Variants in HERC2 observed in about 807,000 individuals in gnomAD.
HERC2 encodes HECT and RLD domain containing E3 ubiquitin protein ligase 2.
HERC2 carries 102 observed loss-of-function variants against 537.7 expected under a neutral mutation model. The observed-to-expected ratio is 0.19, with a 90% CI of 0.16 to 0.22. The LOEUF is 0.22. HERC2 is among the 10% of genes least tolerant of loss of function. HERC2 has a pLI of 1.00. For synonymous variants in HERC2, 2,224 were observed against 2,466.2 expected (o/e 0.90, Z 2.91); for missense variants, 4,236 against 6,198.2 (o/e 0.68, Z 10.63).
chr15:28,174,230 TG>T (rs959722435), intron 65 of HERC2, among the ~76,000 whole-genome samples, 164 bp downstream of exon 65: 67 of 86,218 alleles, frequency 7.8e-4, no homozygotes, highest in African/African-American at 2.0e-3. Context: ...CATTCCAGCA[TG>T]TATAAATCGC....
At chr15:28,148,441 AC>A (rs1891997610) in intron 70 of HERC2, among the ~76,000 whole-genome samples, 1 of 152,230 alleles carries the variant, frequency 6.6e-6, no homozygotes, top group African/African-American at 2.4e-5. Flanking sequence ...ATGGAGAGTT[AC>A]CAAGTGTCCC....
intron 85 of HERC2, among the ~76,000 whole-genome samples, 185 bp from the exon 86 acceptor site, chr15:28,121,614 CAG>C (rs1251629761): frequency 1.3e-5 from 2 of 152,206 alleles, no homozygotes; most frequent in Non-Finnish European, 2.9e-5. Flanking sequence ...CACACAGGGA[CAG>C]ACGGCCAGGC....
At chr15:28,306,897 T>C (rs1258634118) in intron 2 of HERC2, among the ~76,000 whole-genome samples, 2 of 152,194 alleles carry the variant, frequency 1.3e-5, no homozygotes, top group Non-Finnish European at 2.9e-5. Context: ...TGCAGTAACA[T>C]GATCTCAGCA....
chr15:28,290,098 G>T (rs537311589), intron 4 of HERC2, among the ~76,000 whole-genome samples: 2 of 152,330 alleles, frequency 1.3e-5, no homozygotes, highest in South Asian at 4.1e-4. Flanking sequence ...GATATAACTT[G>T]TATCTTTAAA....
At chr15:28,151,690 T>A (rs528201919) in intron 70 of HERC2, among the ~76,000 whole-genome samples, 1 of 151,920 alleles carries the variant, frequency 6.6e-6, no homozygotes, top group East Asian at 1.9e-4. Context: ...AGAAACAGGA[T>A]AATCTCAGCT....
At chr15:28,121,977 G>C (rs1430929780) in intron 85 of HERC2, among the ~76,000 whole-genome samples, 1 of 144,318 alleles carries the variant, frequency 6.9e-6, no homozygotes, top group African/African-American at 2.6e-5. Context: ...CTGCCATACA[G>C]CAGCCACGGG....
intron 65 of HERC2, among the ~76,000 whole-genome samples, chr15:28,171,276 T>C (rs1894670149): frequency 1.3e-5 from 2 of 152,224 alleles, no homozygotes; most frequent in Admixed American, 6.5e-5. Context: ...ATACTGAACA[T>C]ACTATGTAAT....
intron 38 of HERC2, among the ~76,000 whole-genome samples, chr15:28,217,461 T>G (rs1338098485): frequency 6.6e-6 from 1 of 152,016 alleles, no homozygotes; most frequent in African/African-American, 2.4e-5. Flanking sequence ...AGCACACCAC[T>G]AATACACGCA....
chr15:28,133,721 G>A (rs1298439608), intron 79 of HERC2, among the ~76,000 whole-genome samples: 3 of 152,104 alleles, frequency 2.0e-5, no homozygotes, highest in African/African-American at 7.2e-5. Context: ...CAGTGAACTG[G>A]CTGTGCACTC....
At chr15:28,310,560 T>A (rs2076913818) in intron 2 of HERC2, among the ~76,000 whole-genome samples, 1 of 152,198 alleles carries the variant, frequency 6.6e-6, no homozygotes, top group Non-Finnish European at 1.5e-5. Context: ...AAGGTTTGAC[T>A]CTTCTAGTCT....
chr15:28,241,056 G>T (rs926168542), intron 23 of HERC2, among the ~76,000 whole-genome samples: 1 of 152,158 alleles, frequency 6.6e-6, no homozygotes, highest in Non-Finnish European at 1.5e-5. Flanking sequence ...AGTTGGACTT[G>T]ATCAAAATCG....
chr15:28,237,388 T>C (rs1449222671), intron 25 of HERC2, among the ~76,000 whole-genome samples: 1 of 152,218 alleles, frequency 6.6e-6, no homozygotes. Context: ...GAATATTCCT[T>C]AGGAATCAGT....
intron 35 of HERC2, among the ~76,000 whole-genome samples, chr15:28,224,131 T>G (rs1326307112): frequency 7.4e-5 from 2 of 27,202 alleles, no homozygotes; most frequent in Non-Finnish European, 1.8e-4. Context: ...AATTAAAAAA[T>G]TATACACACA....
intron 78 of HERC2, among the ~76,000 whole-genome samples, chr15:28,138,790 C>T (rs1283225240): frequency 1.3e-5 from 2 of 152,198 alleles, no homozygotes; most frequent in Non-Finnish European, 2.9e-5. Flanking sequence ...GCTATAGCTG[C>T]CATAGACAGT....
intron 21 of HERC2, among the ~76,000 whole-genome samples, chr15:28,247,558 A>C (rs1050792612): frequency 3.3e-5 from 5 of 151,154 alleles, no homozygotes; most frequent in African/African-American, 1.2e-4. Context: ...CCTCCGGAGT[A>C]GCTGGGATTA....
At chr15:28,127,754 G>A (rs1889663735) in intron 83 of HERC2, among the ~76,000 whole-genome samples, 1 of 151,868 alleles carries the variant, frequency 6.6e-6, no homozygotes, top group Admixed American at 6.6e-5. Context: ...CAGACAACGG[G>A]GACACACAAA....
chr15:28,309,047 G>C (rs902981490), intron 2 of HERC2, among the ~76,000 whole-genome samples: 9 of 152,352 alleles, frequency 5.9e-5, no homozygotes, highest in Middle Eastern at 3.4e-3. Flanking sequence ...ATCAAGGTTT[G>C]AATTTTTAAT....
At chr15:28,227,348 C>A (rs1901302747) in intron 35 of HERC2, among the ~76,000 whole-genome samples, 1 of 151,550 alleles carries the variant, frequency 6.6e-6, no homozygotes, top group African/African-American at 2.4e-5. Flanking sequence ...ACACAAATGG[C>A]CAACAAGCAC....
chr15:28,172,056 A>G (rs1894758028), intron 65 of HERC2, among the ~76,000 whole-genome samples: 1 of 150,772 alleles, frequency 6.6e-6, no homozygotes. Flanking sequence ...GCCTGGCGAC[A>G]GAGCGAGACT....
Sources: allele counts gnomAD v4.1 joint callset (sites outside exome capture counted in the v4.1 genomes callset), GRCh38; gene constraint gnomAD v4.1.1; transcripts MANE v1.5; gene names NCBI Gene and HGNC (gene_info 2026-07-23, HGNC 2026-07-21).